Variants in SLC1A3 observed in about 807,000 individuals in gnomAD.
The protein encoded by SLC1A3 is solute carrier family 1 member 3, also known as excitatory amino acid transporter 1.
SLC1A3 carries 21 observed loss-of-function variants against 48.1 expected under a neutral mutation model. The observed-to-expected ratio is 0.44, with a 90% CI of 0.31 to 0.63. SLC1A3 has a LOEUF of 0.63. Ranked by LOEUF, SLC1A3 falls within the 20% of genes least tolerant of loss-of-function variation. SLC1A3 has a pLI of 0.08. For missense variants in SLC1A3, 546 were observed against 689.0 expected (o/e 0.79, Z 2.32); for synonymous variants, 239 against 251.4 (o/e 0.95, Z 0.47).
chr5:36,598,619 A>T (rs903347425), intron 1 of SLC1A3, among the ~76,000 whole-genome samples: 3 of 152,208 alleles, frequency 2.0e-5, no homozygotes, highest in Non-Finnish European at 4.4e-5. Context: ...TTACATTAAA[A>T]TAAGCAAAAA....
chr5:36,604,406 G>T (rs900110641), upstream of SLC1A3, among the ~76,000 whole-genome samples: 1 of 151,966 alleles, frequency 6.6e-6, no homozygotes, highest in Non-Finnish European at 1.5e-5. Flanking sequence ...GTAGAAATAC[G>T]CGTTGAGGAA....
intron 1 of SLC1A3, among the ~76,000 whole-genome samples, chr5:36,601,098 T>C (rs975245343): frequency 2.0e-5 from 3 of 152,270 alleles, no homozygotes; most frequent in Admixed American, 2.0e-4. Context: ...GTTTCTGTGA[T>C]GGCAACTTTG....
intron 2 of SLC1A3, among the ~76,000 whole-genome samples, chr5:36,617,777 CTT>C (rs1308269196): frequency 6.6e-6 from 1 of 152,080 alleles, no homozygotes; most frequent in Admixed American, 6.6e-5. Flanking sequence ...CATAATATAA[CTT>C]ATTTAAGCAA....
rs183262239 is a variant in SLC1A3 at position 36,599,082 on chromosome 5, T to C, written c.-96+2404T>C. 6.2e-4 allele frequency among the ~76,000 whole-genome samples: 95 copies of C among 152,328 alleles called. 2 individuals carry two copies. The highest frequency in any genetic ancestry group is 5.0e-3 in the Admixed American group (76 of 15,296). On this transcript the variant is annotated intron_variant, in intron 1 of 9. Coordinates refer to the SLC1A3 transcript ENST00000680318. ...TACATAACACATAAAACAGCGCATC[T>C]CAAATCCTACTAACTCTATTCAAGT...
intron 1 of SLC1A3, among the ~76,000 whole-genome samples, chr5:36,597,782 C>A (rs1738762581): frequency 6.6e-6 from 1 of 152,068 alleles, no homozygotes; most frequent in Non-Finnish European, 1.5e-5. Flanking sequence ...CCTAGCTACT[C>A]CTAACTGCAG....
intron 1 of SLC1A3, among the ~76,000 whole-genome samples, chr5:36,597,945 G>A (rs1001943017): frequency 1.3e-5 from 2 of 152,102 alleles, no homozygotes; most frequent in African/African-American, 4.8e-5. Context: ...CCTCTGACAC[G>A]TATTTCATTG....
At chr5:36,619,105 G>C (rs774412374) in intron 2 of SLC1A3, among the ~76,000 whole-genome samples, 1 of 152,102 alleles carries the variant, frequency 6.6e-6, no homozygotes, top group African/African-American at 2.4e-5. Flanking sequence ...AACAAGGCTG[G>C]GGCAGGTATT....
chr5:36,599,508 CTTTTTT>C (rs1176214248), intron 1 of SLC1A3, among the ~76,000 whole-genome samples: 1 of 78,286 alleles, frequency 1.3e-5, no homozygotes. Flanking sequence ...TACGGTTGAA[CTTTTTT>C]TTTTTTTTTT....
At position 36,676,934 on chromosome 5, in the gene SLC1A3, C is replaced by A; in HGVS notation, c.610C>A (p.Gln204Lys). The change falls in exon 6 of 10, where the codon CAG becomes AAG. Residue 204 changes from glutamine (Q) to lysine (K), a missense_variant. Transcript: ENST00000265113. ...YEKRSFKVPI[Q>K]ANETLVGAVI... is the part of the protein sequence containing the mutation. ...GAAGAGAAGCTTTAAAGTGCCCATC[C>A]AGGCCAACGAAACGCTTGTGGGTGC... 2 of 1,613,950 alleles carry A rather than the reference C, an allele frequency of 1.2e-6. No individual in the cohort carries two copies. Among genetic ancestry groups the A allele is most frequent in the East Asian group, 2.2e-5 (1 of 44,886 alleles).
chr5:36,655,441 G>C (rs1741248909), intron 3 of SLC1A3, among the ~76,000 whole-genome samples: 1 of 152,192 alleles, frequency 6.6e-6, no homozygotes, highest in South Asian at 2.1e-4. Context: ...CTGACTGGCT[G>C]CCTCCTGAGT....
At chr5:36,674,141 A>G (rs1742107452) in intron 5 of SLC1A3, 50 bp downstream of exon 5, 2 of 1,457,016 alleles carry the variant, frequency 1.4e-6, no homozygotes, top group Middle Eastern at 3.5e-4. Context: ...TCTTTTCTAT[A>G]CCAAACCAAG....
At chr5:36,613,099 G>A (rs7729389) in intron 2 of SLC1A3, 248,091 of 295,696 alleles carry the variant, frequency 0.84, 104,580 homozygotes, top group African/African-American at 0.92. Context: ...GTGCACGAGG[G>A]TAAGTTCAGT....
chr5:36,683,243 G>A (rs1742508118), intron 8 of SLC1A3, among the ~76,000 whole-genome samples: 1 of 152,192 alleles, frequency 6.6e-6, no homozygotes, highest in Admixed American at 6.5e-5. Flanking sequence ...ATGTTTAAAA[G>A]TGTATAGCTG....
At chr5:36,626,829 G>A (rs1739924435) in intron 2 of SLC1A3, among the ~76,000 whole-genome samples, 1 of 152,182 alleles carries the variant, frequency 6.6e-6, no homozygotes, top group South Asian at 2.1e-4. Context: ...AATGCACATT[G>A]TAAATCAGAA....
chr5:36,677,324 A>G lies in SLC1A3; in HGVS notation c.860+140A>G. On this transcript the variant is annotated intron_variant, in intron 6 of 9. Coordinates refer to ENST00000265113, the MANE Select transcript of SLC1A3 (RefSeq NM_004172.5). ...TCTGGTAAGCCCAGGAAAATCAATG[A>G]ATCTCTGGGCCTCTAGAGGCCTTGA... is the stretch of plus-strand genomic sequence containing the variant. 4.3e-6 allele frequency: 3 copies of G among 705,396 alleles called. 1 individual carries two copies. The South Asian group carries it at 5.5e-5, about 13-fold the overall frequency. 43.7% of individuals were successfully genotyped at this position (705,396 alleles called of 1,614,324 possible). A position where few individuals can be genotyped will look rare whatever the true frequency, so the allele number is the denominator to read the frequency against.
In SLC1A3 at chr5:36,683,996, C is replaced by A; in HGVS notation, c.1422C>A (p.Phe474Leu). ...CGCTCATCATCGCGGTGGACTGGTT[C>A]CTGTGAGTATGCTTGGCCTGCATTC... is the stretch of plus-strand genomic sequence containing the variant. ...DITLIIAVDW[F>L]LDRLRTTTNV... Residue 474 changes from phenylalanine to leucine, a missense_variant and splice_region_variant, in exon 9 of 10, where the codon TTC becomes TTA. Phe to Leu is a conservative substitution (Grantham distance 22, BLOSUM62 0). Coordinates refer to ENST00000265113, the MANE Select transcript of SLC1A3 (RefSeq NM_004172.5). The A allele has an allele frequency of 6.2e-7, 1 of 1,614,188 alleles. No homozygotes were observed.
intron 3 of SLC1A3, among the ~76,000 whole-genome samples, chr5:36,635,199 G>A (rs1332751994): frequency 1.3e-5 from 2 of 151,234 alleles, no homozygotes; most frequent in African/African-American, 4.9e-5. Flanking sequence ...AGTATCTAAC[G>A]CAGGGAGGAA....
chr5:36,673,980 T>C, intron 4 of SLC1A3, 69 bp from the exon 5 acceptor site: 1 of 1,237,070 alleles, frequency 8.1e-7, no homozygotes, highest in Admixed American at 1.7e-5. Context: ...TTACACACAA[T>C]GAAACAGAAT....
chr5:36,661,717 C>A (rs1741522873), intron 3 of SLC1A3, among the ~76,000 whole-genome samples: 1 of 152,202 alleles, frequency 6.6e-6, no homozygotes, highest in Non-Finnish European at 1.5e-5. Context: ...ATGAACTGGT[C>A]TTTAACATTC....
Sources: allele counts gnomAD v4.1 joint callset (sites outside exome capture counted in the v4.1 genomes callset), GRCh38; gene constraint gnomAD v4.1.1; transcripts MANE v1.5; gene names NCBI Gene and HGNC (gene_info 2026-07-23, HGNC 2026-07-21).